Variants in ABCC1 observed in about 807,000 individuals in gnomAD.
ABCC1 encodes multidrug resistance-associated protein 1.
In ABCC1, 83 loss-of-function variants were observed where a neutral mutation model predicts 172.9. The ratio of observed to expected loss-of-function variants is 0.48; its 90% CI spans 0.40 to 0.58. The LOEUF (loss-of-function observed/expected upper bound fraction) is 0.58, where lower values mean the gene tolerates loss of function less well. Ranked by LOEUF, ABCC1 falls within the 20% of genes least tolerant of loss-of-function variation. ABCC1 has a pLI of 0.00. For synonymous variants in ABCC1, 937 were observed against 825.2 expected (o/e 1.14, Z -2.32); for missense variants, 1,817 against 2,002.7 (o/e 0.91, Z 1.77).
chr16:16,073,291 C>G (rs2050424899), intron 14 of ABCC1, among the ~76,000 whole-genome samples: 1 of 152,142 alleles, frequency 6.6e-6, no homozygotes, highest in African/African-American at 2.4e-5. Context: ...ACACCCACAG[C>G]CCATCGGTAG....
chr16:16,065,317 G>A (rs2050070361), intron 12 of ABCC1, among the ~76,000 whole-genome samples: 1 of 152,118 alleles, frequency 6.6e-6, no homozygotes, highest in Admixed American at 6.5e-5. Context: ...GGCTGGTGCG[G>A]GGGCACAGTA....
intron 20 of ABCC1, 27 bp from the exon 21 acceptor site, chr16:16,106,711 T>TGACA: frequency 2.5e-6 from 4 of 1,613,686 alleles, no homozygotes; most frequent in Non-Finnish European, 3.4e-6. Flanking sequence ...TCTGTACGGT[T>TGACA]GACACCCTTG....
intron 15 of ABCC1, among the ~76,000 whole-genome samples, chr16:16,077,594 C>T (rs1055190336): frequency 3.3e-5 from 5 of 152,118 alleles, no homozygotes; most frequent in African/African-American, 1.2e-4. Context: ...TCTCACTGGG[C>T]TTCCTGCCCA....
intron 21 of ABCC1, 108 bp downstream of exon 21, chr16:16,106,981 A>G: frequency 7.0e-7 from 1 of 1,438,174 alleles, no homozygotes; most frequent in Non-Finnish European, 9.5e-7. Context: ...CCTGTCCATC[A>G]CAACACACCT....
intron 23 of ABCC1, among the ~76,000 whole-genome samples, chr16:16,119,088 G>C (rs1187021059): frequency 2.0e-5 from 3 of 152,162 alleles, no homozygotes; most frequent in Non-Finnish European, 4.4e-5. Context: ...TTATCTCAGA[G>C]ATGTTATAGT....
intron 12 of ABCC1, among the ~76,000 whole-genome samples, chr16:16,062,174 A>C (rs1249819016): frequency 6.6e-6 from 1 of 152,138 alleles, no homozygotes; most frequent in East Asian, 1.9e-4. Context: ...TTAGGAGGGG[A>C]TGGGCAGCGT....
chr16:16,014,493 G>A lies in ABCC1; in HGVS notation c.354G>A (p.Leu118=). 6.2e-7 allele frequency: 1 copy of A among 1,613,840 alleles called. No individual in the cohort carries two copies. Among genetic ancestry groups the A allele is most frequent in the Non-Finnish European group, 8.5e-7 (1 of 1,179,900 alleles). The part of the protein sequence containing the change: ...VSPTLLGITM[L]LATFLIQLER... ...CTGTCTTGTGCTTCTCTCCTCAGCT[G>A]CTTGCTACCTTTTTAATTCAGCTGG... is the stretch of plus-strand genomic sequence containing the variant. Residue 118 remains leucine, a splice_region_variant and synonymous_variant, in exon 4 of 31, where the codon CTG becomes CTA. Coordinates refer to ENST00000399410, the MANE Select transcript of ABCC1 (RefSeq NM_004996.4).
chr16:16,054,457 T>C (rs1380372833), intron 11 of ABCC1, among the ~76,000 whole-genome samples: 2 of 152,152 alleles, frequency 1.3e-5, no homozygotes, highest in African/African-American at 2.4e-5. Context: ...GATGGTGCAG[T>C]TTATTTCTTT....
At chr16:16,039,241 G>GTGTGTGTA (rs1555487479) in intron 7 of ABCC1, among the ~76,000 whole-genome samples, 1 of 107,140 alleles carries the variant, frequency 9.3e-6, no homozygotes, top group African/African-American at 4.6e-5. Flanking sequence ...GTGTATGTAT[G>GTGTGTGTA]TGTGTGTGTG....
At chr16:15,980,922 AG>A (rs2046607019) in intron 1 of ABCC1, among the ~76,000 whole-genome samples, 2 of 152,212 alleles carry the variant, frequency 1.3e-5, no homozygotes, top group Non-Finnish European at 2.9e-5. Flanking sequence ...TAGATACAAT[AG>A]GAGTACAAGC....
intron 1 of ABCC1, among the ~76,000 whole-genome samples, chr16:15,962,213 A>G (rs1341850419): frequency 6.6e-6 from 1 of 152,194 alleles, no homozygotes; most frequent in East Asian, 1.9e-4. Flanking sequence ...ATCAAAGCAG[A>G]AGTGTGCTTT....
rs76175187 is a variant in ABCC1, at chr16:16,114,196, C to G, written c.3080-570C>G. Among the ~76,000 whole-genome samples, 484 of 152,302 alleles carry G rather than the reference C, an allele frequency of 3.2e-3. 1 individual carries two copies. Among genetic ancestry groups the G allele is most frequent in the Non-Finnish European group, 5.3e-3 (359 of 68,034 alleles). Reference sequence around the variant, plus strand: ...CAAAGGCGTTCACCTATCTGGACTTCAGTTTTCTTATCTGTAAGTTGGGTA... The same window carrying G: ...CAAAGGCGTTCACCTATCTGGACTTGAGTTTTCTTATCTGTAAGTTGGGTA... On this transcript the variant is annotated intron_variant, in intron 22 of 30. Coordinates refer to ENST00000399410, the MANE Select transcript of ABCC1 (RefSeq NM_004996.4).
intron 1 of ABCC1, among the ~76,000 whole-genome samples, chr16:15,981,273 C>T (rs1227809390): frequency 6.6e-6 from 1 of 152,238 alleles, no homozygotes; most frequent in Non-Finnish European, 1.5e-5. Flanking sequence ...CTTCTCACAG[C>T]TCCACTAGGC....
chr16:16,074,944 T>A (rs1361309062), intron 14 of ABCC1, among the ~76,000 whole-genome samples: 2 of 108,380 alleles, frequency 1.8e-5, no homozygotes, highest in Non-Finnish European at 3.6e-5. Flanking sequence ...GTTTTTTCTT[T>A]TTCTTTTTTT....
At chr16:16,129,175 G>A (rs1055300564) in intron 26 of ABCC1, among the ~76,000 whole-genome samples, 1 of 151,958 alleles carries the variant, frequency 6.6e-6, no homozygotes, top group Non-Finnish European at 1.5e-5. Context: ...TTCTTTTAAC[G>A]TAAGTGGAAT....
At chr16:16,006,842 C>CGTGGTGGTGGTG (rs71388786) in intron 1 of ABCC1, among the ~76,000 whole-genome samples, 117 of 83,000 alleles carry the variant, frequency 1.4e-3, no homozygotes, top group African/African-American at 3.5e-3. Flanking sequence ...GGTTGTTATC[C>CGTGGTGGTGGTG]GTGGTGGTGG....
chr16:16,097,107 GTTTGTTTTGT>G (rs778393083), intron 19 of ABCC1, among the ~76,000 whole-genome samples: 6 of 151,866 alleles, frequency 4.0e-5, no homozygotes, highest in Non-Finnish European at 5.9e-5. Context: ...GGTTTTGTTT[GTTTGTTTTGT>G]TTTGTTTTGT....
At chr16:16,089,246 A>G (rs901665284) in intron 18 of ABCC1, among the ~76,000 whole-genome samples, 4 of 152,126 alleles carry the variant, frequency 2.6e-5, no homozygotes. Flanking sequence ...GAGTTGTTTT[A>G]GAAAAAAATT....
chr16:16,014,734 G>T, intron 4 of ABCC1, 106 bp downstream of exon 4: 2 of 1,372,832 alleles, frequency 1.5e-6, no homozygotes, highest in East Asian at 2.3e-5. Flanking sequence ...GGAACCAGGG[G>T]CTGGGTACCA....
Sources: gnomAD v4.1 joint callset for allele counts (sites outside exome capture counted in the v4.1 genomes callset) on GRCh38, gnomAD v4.1.1 for gene constraint, MANE v1.5 for transcripts, NCBI Gene and HGNC (gene_info 2026-07-23, HGNC 2026-07-21) for gene names.